The following ZFHX3 variants were observed in gnomAD, a reference collection of about 807,000 sequenced individuals.
ZFHX3 encodes the protein zinc finger homeobox protein 3.
Under a neutral mutation model 279.1 loss-of-function variants are expected in ZFHX3, and 42 were observed. The observed-to-expected ratio is 0.15, with a 90% CI of 0.12 to 0.19. The LOEUF (loss-of-function observed/expected upper bound fraction) is 0.19. ZFHX3 is among the 10% of genes least tolerant of loss of function. ZFHX3 has a pLI of 1.00. For missense variants in ZFHX3, 4,981 were observed against 4,754.0 expected, an observed-to-expected ratio of 1.05 and a Z score of -1.40; for synonymous variants, 2,293 against 1,957.8, an observed-to-expected ratio of 1.17 and a Z score of -4.52.
chr16:73,755,992 C>T lies in ZFHX3; in HGVS notation c.-1607-75752G>A, dbSNP rs563141407. ...CCAAGATGAACTTCTGACCACTCTC[C>T]ACCGCTTAGAGAGGCTCACCGGCAA... On this transcript the variant is annotated intron_variant, in intron 1 of 17. Transcript: ENST00000641206. Among the ~76,000 whole-genome samples the T allele has an allele frequency of 3.2e-4, 48 of 152,278 alleles. 1 individual carries two copies. In the South Asian group the frequency reaches 9.7e-3, roughly 31 times the overall value.
At chr16:73,356,629 A>C (rs2016345622) in intron 3 of ZFHX3, among the ~76,000 whole-genome samples, 1 of 152,070 alleles carries the variant, frequency 6.6e-6, no homozygotes, top group South Asian at 2.1e-4. Flanking sequence ...TGGCAATGCT[A>C]ACAAGTTTAA....
chr16:73,210,742 C>T (rs2011982502), intron 5 of ZFHX3, among the ~76,000 whole-genome samples: 1 of 152,152 alleles, frequency 6.6e-6, no homozygotes, highest in Non-Finnish European at 1.5e-5. Context: ...CTCTCAGAGT[C>T]ATGAGGCTCC....
intron 2 of ZFHX3, among the ~76,000 whole-genome samples, chr16:73,480,290 C>T (rs1366881847): frequency 6.6e-6 from 1 of 152,066 alleles, no homozygotes; most frequent in Non-Finnish European, 1.5e-5. Context: ...GGCTCCGATT[C>T]CTAAAAGGTT....
chr16:73,852,083 C>A (rs1489901962), intron 1 of ZFHX3, among the ~76,000 whole-genome samples: 2 of 152,152 alleles, frequency 1.3e-5, no homozygotes, highest in African/African-American at 4.8e-5. Flanking sequence ...GAGACTATAA[C>A]CTAAATACTT....
intron 1 of ZFHX3, among the ~76,000 whole-genome samples, chr16:73,054,420 G>A (rs755660477): frequency 1.4e-5 from 2 of 143,432 alleles, no homozygotes; most frequent in Non-Finnish European, 3.0e-5. Flanking sequence ...CGATACAGGA[G>A]GTCGGTATGG....
chr16:73,057,470 C>T (rs1177298861), intron 1 of ZFHX3, among the ~76,000 whole-genome samples: 1 of 149,724 alleles, frequency 6.7e-6, no homozygotes, highest in Non-Finnish European at 1.5e-5. Context: ...GTTTTTGCAT[C>T]GAGTGGAGCC....
At position 72,889,834 on chromosome 16, in the gene ZFHX3, G is replaced by A. The variant is rs143237537; in HGVS notation, c.3345C>T (p.Ser1115=). Reference sequence around the variant, plus strand: ...GCCGCTGCAGCTTTCGCAGGCTCTCGCTTCGCTGGTGCTTCATGGAGCGCA... The same window carrying A: ...GCCGCTGCAGCTTTCGCAGGCTCTCACTTCGCTGGTGCTTCATGGAGCGCA... ...QHVRSMKHQR[S]ESLRKLQRLQ... is the part of the protein sequence containing the mutation. The change falls in exon 4 of 10, where the codon AGC becomes AGT. Residue 1115 remains serine, a synonymous_variant. Coordinates refer to ENST00000268489, the MANE Select transcript of ZFHX3 (RefSeq NM_006885.4). The A allele has an allele frequency of 0.015, 24,317 of 1,614,058 alleles. 226 individuals are homozygous for A. The highest frequency in any genetic ancestry group is 0.018 in the Non-Finnish European group (21,546 of 1,180,038).
In ZFHX3 at chr16:73,058,542, C is replaced by CCGG. The variant is rs1454317688; in HGVS notation, c.-39_-37dup. 871 of 164,492 alleles carry CCGG rather than the reference C, an allele frequency of 5.3e-3. 3 individuals carry two copies. Among genetic ancestry groups the CCGG allele is most frequent in the Non-Finnish European group, 8.0e-3 (637 of 79,654 alleles). 10.2% of individuals were successfully genotyped at this position (164,492 alleles called of 1,614,324 possible). On this transcript the variant is annotated 5_prime_UTR_variant, in exon 1 of 9. Coordinates refer to the ZFHX3 transcript ENST00000397992. ...AGTTGCCACTTACGCGGTTGCTTCT[C>CCGG]CGGCGGCGGCGGCTGCAGCGGCGCT...
At chr16:72,900,708 G>A (rs956483052) in intron 3 of ZFHX3, among the ~76,000 whole-genome samples, 6 of 152,178 alleles carry the variant, frequency 3.9e-5, no homozygotes, top group Non-Finnish European at 7.3e-5. Context: ...GCCCTAGATC[G>A]CTGGGGCCAT....
chr16:73,751,691 T>C (rs2053763741), intron 1 of ZFHX3, among the ~76,000 whole-genome samples: 1 of 152,174 alleles, frequency 6.6e-6, no homozygotes, highest in Admixed American at 6.5e-5. Context: ...AAATTAGAAG[T>C]TAGGGGTCCT....
intron 1 of ZFHX3, among the ~76,000 whole-genome samples, chr16:73,035,557 A>C (rs960084764): frequency 2.6e-5 from 4 of 152,248 alleles, no homozygotes; most frequent in Non-Finnish European, 4.4e-5. Context: ...CTAAGAAAAA[A>C]TAAATCACTT....
At chr16:73,367,006 C>T (rs374439064) in intron 3 of ZFHX3, among the ~76,000 whole-genome samples, 20 of 152,008 alleles carry the variant, frequency 1.3e-4, no homozygotes, top group South Asian at 2.1e-4. Context: ...CAGGATTCAA[C>T]GCTGACACAC....
intron 1 of ZFHX3, among the ~76,000 whole-genome samples, chr16:73,744,351 A>G (rs927699763): frequency 1.3e-5 from 2 of 152,220 alleles, no homozygotes; most frequent in African/African-American, 4.8e-5. Context: ...GGAACAACTC[A>G]TCTAGAGATG....
intron 5 of ZFHX3, among the ~76,000 whole-genome samples, chr16:73,226,234 C>T (rs2012586919): frequency 6.6e-6 from 1 of 152,156 alleles, no homozygotes; most frequent in African/African-American, 2.4e-5. Flanking sequence ...ATCTCCCTTC[C>T]TGTCAAAGAA....
At chr16:73,665,166 G>C (rs1271194373) in intron 2 of ZFHX3, among the ~76,000 whole-genome samples, 1 of 151,276 alleles carries the variant, frequency 6.6e-6, no homozygotes, top group African/African-American at 2.4e-5. Context: ...GTCATAACAG[G>C]TGCTTGGGGA....
chr16:73,057,755 T>C (rs2144737392), intron 1 of ZFHX3, among the ~76,000 whole-genome samples: 1 of 151,158 alleles, frequency 6.6e-6, no homozygotes, highest in Non-Finnish European at 1.5e-5. Context: ...AGCGCACAGG[T>C]AGAGGATCGC....
rs758081273 is a variant in ZFHX3, at chr16:72,787,688, G to A, written c.10588C>T (p.His3530Tyr). 2.8e-6 allele frequency: 4 copies of A among 1,453,746 alleles called. No individual in the cohort carries two copies. The highest frequency in any genetic ancestry group is 2.1e-5 in the Admixed American group (1 of 47,374). 90.1% of individuals were successfully genotyped at this position (1,453,746 alleles called of 1,614,324 possible). Residue 3530 changes from histidine (H) to tyrosine (Y), a missense_variant, in exon 10 of 10, where the codon CAC becomes TAC. By Grantham distance (83) the His-to-Tyr change is moderately conservative. Transcript: ENST00000268489. Reference protein sequence around the residue: ...GGGGGGGGSYHCLACESALCG... With the variant: ...GGGGGGGGSYYCLACESALCG... ...AGCGCGCTCTCGCACGCCAGGCAGT[G>A]GTACGAGCCGCCGCCGCCGCCGCCG...
intron 2 of ZFHX3, among the ~76,000 whole-genome samples, chr16:73,604,264 T>C (rs1464688162): frequency 3.3e-5 from 5 of 152,276 alleles, no homozygotes; most frequent in African/African-American, 1.2e-4. Context: ...TCCCCCATTT[T>C]TTCCCCCTAG....
intron 1 of ZFHX3, chr16:73,809,702 C>G (rs1162491429): frequency 6.6e-6 from 1 of 152,226 alleles, no homozygotes; most frequent in Non-Finnish European, 1.5e-5. Flanking sequence ...GGCTGCTGAA[C>G]ATGCATGGAA....
Sources: gnomAD v4.1 joint callset for allele counts (sites outside exome capture counted in the v4.1 genomes callset) on GRCh38, gnomAD v4.1.1 for gene constraint, MANE v1.5 for transcripts, NCBI Gene and HGNC (gene_info 2026-07-23, HGNC 2026-07-21) for gene names.